The following FHIT variants were observed in gnomAD, a reference collection of about 807,000 sequenced individuals.
The protein encoded by FHIT is bis(5'-adenosyl)-triphosphatase.
A neutral mutation model predicts 17.9 loss-of-function variants in FHIT; 19 were observed. That is an observed-to-expected ratio of 1.06 (90% CI 0.74 to 1.56). The LOEUF is 1.56. Ranked by LOEUF, FHIT falls within the 40% of genes most tolerant of loss-of-function variation. The probability of loss-of-function intolerance (pLI) is 0.00; values close to 1 mark genes in which losing one functional copy is unlikely to be tolerated. For synonymous variants in FHIT, 81 were observed against 69.7 expected (o/e 1.16, Z -0.81); for missense variants, 248 against 189.2 (o/e 1.31, Z -1.82).
At chr3:60,247,522 T>C (rs1331290481) in intron 5 of FHIT, among the ~76,000 whole-genome samples, 1 of 152,188 alleles carries the variant, frequency 6.6e-6, no homozygotes, top group Non-Finnish European at 1.5e-5. Flanking sequence ...TGTCATTAAA[T>C]GTTTTGGGTT....
chr3:60,560,511 T>C (rs17063517), intron 4 of FHIT, among the ~76,000 whole-genome samples: 22,867 of 151,920 alleles, frequency 0.15, 2,183 homozygotes, highest in East Asian at 0.37. Flanking sequence ...AACGGCTTGG[T>C]TCAGGCCAAA....
intron 3 of FHIT, among the ~76,000 whole-genome samples, chr3:60,831,610 A>G (rs1702330610): frequency 1.3e-5 from 2 of 149,934 alleles, no homozygotes; most frequent in Admixed American, 6.6e-5. Flanking sequence ...CATATTTACA[A>G]TAAAACCATA....
intron 8 of FHIT, among the ~76,000 whole-genome samples, chr3:59,768,375 G>T (rs1453584671): frequency 6.6e-6 from 1 of 152,144 alleles, no homozygotes. Flanking sequence ...TCTCATGTGA[G>T]TAGGAGTTAT....
intron 8 of FHIT, among the ~76,000 whole-genome samples, chr3:59,906,609 T>C (rs1321940140): frequency 6.6e-6 from 1 of 152,222 alleles, no homozygotes; most frequent in African/African-American, 2.4e-5. Flanking sequence ...CAGATGGATC[T>C]CAATGGCCTG....
chr3:60,869,862 C>T (rs1704328327), intron 3 of FHIT, among the ~76,000 whole-genome samples: 1 of 152,170 alleles, frequency 6.6e-6, no homozygotes, highest in Non-Finnish European at 1.5e-5. Flanking sequence ...TCATGTCTGA[C>T]ACCAACGAAG....
At chr3:60,649,454 C>T (rs1250509230) in intron 4 of FHIT, among the ~76,000 whole-genome samples, 1 of 152,148 alleles carries the variant, frequency 6.6e-6, no homozygotes, top group Non-Finnish European at 1.5e-5. Flanking sequence ...CTTCTAAGAA[C>T]CAAAGTTGCA....
intron 8 of FHIT, among the ~76,000 whole-genome samples, chr3:59,898,298 C>G (rs9311738): frequency 2.0e-5 from 3 of 151,954 alleles, no homozygotes; most frequent in Non-Finnish European, 4.4e-5. Flanking sequence ...ACTATGTATA[C>G]GCAAATATTT....
chr3:59,770,082 C>T (rs559979948), intron 8 of FHIT, among the ~76,000 whole-genome samples: 2 of 152,218 alleles, frequency 1.3e-5, no homozygotes, highest in South Asian at 4.2e-4. Context: ...AATGCCCAGA[C>T]TTGTAAGGGA....
chr3:61,095,869 C>G (rs942271705), intron 2 of FHIT, among the ~76,000 whole-genome samples: 1 of 152,174 alleles, frequency 6.6e-6, no homozygotes, highest in African/African-American at 2.4e-5. Flanking sequence ...GATTTGCTAT[C>G]TTGTTCTATA....
intron 2 of FHIT, among the ~76,000 whole-genome samples, chr3:61,178,482 AGTAATCTAGTAT>A (rs2038225135): frequency 6.7e-6 from 1 of 150,308 alleles, no homozygotes; most frequent in Non-Finnish European, 1.5e-5. Flanking sequence ...TCCAGAATAT[AGTAATCTAGTAT>A]GTAGTCTGGC....
intron 5 of FHIT, among the ~76,000 whole-genome samples, chr3:60,426,506 A>T (rs1476622641): frequency 6.6e-6 from 1 of 152,120 alleles, no homozygotes; most frequent in Non-Finnish European, 1.5e-5. Flanking sequence ...AAAAAATGTT[A>T]GACTCTTCTA....
chr3:60,336,181 C>T (rs9882907), intron 5 of FHIT, among the ~76,000 whole-genome samples: 28,876 of 152,094 alleles, frequency 0.19, 3,163 homozygotes, highest in African/African-American at 0.3. Context: ...TCTGAAAAGC[C>T]GAACCAAGTT....
rs1266368572 is a variant in FHIT at position 59,748,716 on chromosome 3, TAA to T, written c.*867_*868del. On this transcript the variant is annotated 3_prime_UTR_variant, in exon 10 of 10. Coordinates refer to ENST00000492590, the MANE Select transcript of FHIT (RefSeq NM_002012.4). ...TTAGCAAGGAGGGCAGTACACAGACTAAGAGAATGGCCTTTAGGGTGGGACTG... is the reference window on the plus strand; with the variant it reads ...TTAGCAAGGAGGGCAGTACACAGACTGAGAATGGCCTTTAGGGTGGGACTG... Among the ~76,000 whole-genome samples, 10 of 152,278 alleles carry T rather than the reference TAA, an allele frequency of 6.6e-5. No individual in the cohort carries two copies. In the East Asian group the frequency reaches 1.9e-3, roughly 29 times the overall value.
chr3:61,239,078 A>G (rs1446832926), intron 1 of FHIT, among the ~76,000 whole-genome samples: 2 of 152,138 alleles, frequency 1.3e-5, no homozygotes, highest in Non-Finnish European at 2.9e-5. Flanking sequence ...ATCAGCCAGG[A>G]CTGTAACTCA....
At chr3:61,182,869 G>A (rs2038385327) in intron 2 of FHIT, among the ~76,000 whole-genome samples, 1 of 152,158 alleles carries the variant, frequency 6.6e-6, no homozygotes, top group African/African-American at 2.4e-5. Context: ...CATAGAGGAA[G>A]TCCTCTGTAC....
At chr3:60,423,446 C>T (rs1702549123) in intron 5 of FHIT, among the ~76,000 whole-genome samples, 2 of 151,990 alleles carry the variant, frequency 1.3e-5, no homozygotes, top group Non-Finnish European at 2.9e-5. Context: ...CTAAAGCATG[C>T]TTATATAATT....
chr3:60,759,120 G>A (rs1360670150), intron 4 of FHIT, among the ~76,000 whole-genome samples: 7 of 152,042 alleles, frequency 4.6e-5, no homozygotes, highest in African/African-American at 1.7e-4. Context: ...ATGCAATCAG[G>A]GAGACGGCAG....
chr3:60,165,096 A>C (rs1176628377), intron 5 of FHIT, among the ~76,000 whole-genome samples: 1 of 152,192 alleles, frequency 6.6e-6, no homozygotes, highest in Non-Finnish European at 1.5e-5. Context: ...CCAGTGAGTC[A>C]GATGGGAGCC....
chr3:60,031,576 T>C (rs945436054), intron 5 of FHIT, among the ~76,000 whole-genome samples: 8 of 152,220 alleles, frequency 5.3e-5, no homozygotes, highest in African/African-American at 1.7e-4. Context: ...ATGGGGCTTA[T>C]TTATTCTCAT....
Sources: gnomAD v4.1 joint callset for allele counts (sites outside exome capture counted in the v4.1 genomes callset) on GRCh38, gnomAD v4.1.1 for gene constraint, MANE v1.5 for transcripts, NCBI Gene and HGNC (gene_info 2026-07-23, HGNC 2026-07-21) for gene names.